FRY: variants seen among roughly 807,000 people sequenced by gnomAD.
The protein encoded by FRY is FRY microtubule binding protein.
In FRY, 128 loss-of-function variants were observed where a neutral mutation model predicts 348.4. The observed-to-expected ratio is 0.37, with a 90% CI of 0.32 to 0.43. The LOEUF is 0.43. Ranked by LOEUF, FRY falls within the 20% of genes least tolerant of loss-of-function variation. The pLI, the probability that FRY is intolerant of heterozygous loss-of-function variation, is 1.00. For missense variants in FRY, 2,736 were observed against 3,695.2 expected (o/e 0.74, Z 6.73); for synonymous variants, 1,370 against 1,374.7 (o/e 1.00, Z 0.08).
At chr13:32,095,780 A>G (rs987936771) in intron 2 of FRY, among the ~76,000 whole-genome samples, 24 of 152,138 alleles carry the variant, frequency 1.6e-4, no homozygotes, top group African/African-American at 5.6e-4. Context: ...TTCTTGTACT[A>G]ATTTCATATT....
chr13:32,289,884 C>T lies in FRY; in HGVS notation c.8580+141C>T. 3 of 691,526 alleles carry T rather than the reference C, an allele frequency of 4.3e-6. No homozygotes were observed. In the South Asian group the frequency reaches 4.5e-5, roughly 10 times the overall value. 42.8% of individuals were successfully genotyped at this position (691,526 alleles called of 1,614,324 possible). A position where few individuals can be genotyped will look rare whatever the true frequency, so the allele number is the denominator to read the frequency against. The stretch of plus-strand genomic sequence containing the variant: ...TGCTCAAACACAATTCTGAAATAAA[C>T]ATGTCTTGTATGTATTTCTATTCTC... On this transcript the variant is annotated intron_variant, in intron 59 of 60. Transcript: ENST00000542859.
At chr13:32,074,273 A>G (rs1874869080) in intron 1 of FRY, among the ~76,000 whole-genome samples, 1 of 152,250 alleles carries the variant, frequency 6.6e-6, no homozygotes, top group South Asian at 2.1e-4. Context: ...AATAAAAATA[A>G]CAAAAGAACA....
chr13:32,240,625 G>A (rs1261950877), intron 46 of FRY, among the ~76,000 whole-genome samples: 4 of 152,192 alleles, frequency 2.6e-5, no homozygotes, highest in Non-Finnish European at 1.5e-5. Context: ...GAGATGAAAT[G>A]TATTCCGTTT....
chr13:32,068,961 G>A (rs1056904680), intron 1 of FRY, among the ~76,000 whole-genome samples: 1 of 135,524 alleles, frequency 7.4e-6, no homozygotes, highest in South Asian at 2.3e-4. Context: ...TGTCGCCCAG[G>A]CTGGAGCGCA....
At chr13:32,274,730 TCAG>T in intron 55 of FRY, 109 bp from the exon 56 acceptor site, 5 of 412,810 alleles carry the variant, frequency 1.2e-5, no homozygotes, top group Non-Finnish European at 2.1e-5. Context: ...AAAAAAAAAA[TCAG>T]TTAATGTAAT....
At chr13:32,050,130 T>G (rs1386966758) in intron 1 of FRY, among the ~76,000 whole-genome samples, 2 of 152,218 alleles carry the variant, frequency 1.3e-5, no homozygotes, top group Non-Finnish European at 2.9e-5. Flanking sequence ...GGAGATTTTC[T>G]TTGGTTTTGT....
At chr13:32,067,340 A>T (rs1874324941) in intron 1 of FRY, among the ~76,000 whole-genome samples, 1 of 150,548 alleles carries the variant, frequency 6.6e-6, no homozygotes, top group African/African-American at 2.5e-5. Flanking sequence ...CACAAGTCAG[A>T]CTTTCAGTTC....
chr13:32,068,391 G>A (rs1874390710), intron 1 of FRY, among the ~76,000 whole-genome samples: 1 of 152,142 alleles, frequency 6.6e-6, no homozygotes, highest in African/African-American at 2.4e-5. Context: ...CAGGTTATTC[G>A]ATCTCCTTTT....
At chr13:32,274,328 T>C (rs1888370914) in intron 55 of FRY, among the ~76,000 whole-genome samples, 1 of 152,176 alleles carries the variant, frequency 6.6e-6, no homozygotes, top group Non-Finnish European at 1.5e-5. Context: ...TGCATGTTAA[T>C]TAGCCCAATT....
intron 55 of FRY, among the ~76,000 whole-genome samples, chr13:32,270,317 C>T (rs537997212): frequency 5.9e-5 from 9 of 151,846 alleles, no homozygotes; most frequent in Non-Finnish European, 1.0e-4. Context: ...AAGCGATTCT[C>T]CTGCCGCAGC....
intron 56 of FRY, among the ~76,000 whole-genome samples, chr13:32,275,892 A>G (rs1888511467): frequency 6.9e-6 from 1 of 145,800 alleles, no homozygotes; most frequent in Non-Finnish European, 1.5e-5. Context: ...TTTTTTTTTT[A>G]GCCCCCATGA....
chr13:32,193,591 C>CT lies in FRY; in HGVS notation c.3592-540dup, dbSNP rs71194514. 6.8e-4 allele frequency among the ~76,000 whole-genome samples: 89 copies of CT among 130,266 alleles called. 1 individual carries two copies. Among genetic ancestry groups the CT allele is most frequent in the South Asian group, 1.9e-3 (8 of 4,188 alleles). 85.5% of individuals were successfully genotyped at this position (130,266 alleles called of 152,430 possible). A position where few individuals can be genotyped will look rare whatever the true frequency, so the allele number is the denominator to read the frequency against. On this transcript the variant is annotated intron_variant, in intron 28 of 60. Transcript: ENST00000542859. ...AAAAATTGCCAATAAAGTCTTCGTCCTTTTTTTTTTTTGAGACCTAGTCTC... is the reference window on the plus strand; with the variant it reads ...AAAAATTGCCAATAAAGTCTTCGTCCTTTTTTTTTTTTTGAGACCTAGTCTC...
chr13:32,149,853 T>C lies in FRY; in HGVS notation c.1479+19T>C, dbSNP rs776528970. The C allele has an allele frequency of 2.8e-6, 4 of 1,452,924 alleles. No individual in the cohort carries two copies. The highest frequency in any genetic ancestry group is 2.3e-5 in the East Asian group (1 of 44,178). The allele number at this position is 1,452,924 out of a possible 1,614,324, so 90.0% of individuals were successfully genotyped here. A position where few individuals can be genotyped will look rare whatever the true frequency, so the allele number is the denominator to read the frequency against. On this transcript the variant is annotated intron_variant, in intron 14 of 60. Coordinates refer to ENST00000542859, the MANE Select transcript of FRY (RefSeq NM_023037.3). ...CCCAGAGGTATGAATGATCCTTTTATGTACTTCTAACAGAGCATGTCTTCC... is the reference window on the plus strand; with the variant it reads ...CCCAGAGGTATGAATGATCCTTTTACGTACTTCTAACAGAGCATGTCTTCC...
rs186302253 is a variant in FRY at position 32,195,549 on chromosome 13, C to T, written c.3746+1252C>T. On this transcript the variant is annotated intron_variant, in intron 29 of 60. Transcript: ENST00000542859. Reference sequence around the variant, plus strand: ...TTTCACCTCTTCGCTGCCCTTCTCCCAGTGAACTTGGCTTGAGCTATCCTA... The same window carrying T: ...TTTCACCTCTTCGCTGCCCTTCTCCTAGTGAACTTGGCTTGAGCTATCCTA... 6.3e-4 allele frequency among the ~76,000 whole-genome samples: 96 copies of T among 152,304 alleles called. 1 individual carries two copies. In the Middle Eastern group the frequency reaches 0.01, roughly 16 times the overall value.
At chr13:32,152,902 A>C (rs979804911) in intron 14 of FRY, among the ~76,000 whole-genome samples, 1 of 152,164 alleles carries the variant, frequency 6.6e-6, no homozygotes, top group Admixed American at 6.5e-5. Context: ...GAATTCCCAC[A>C]TTTCAATAAT....
At chr13:32,048,868 C>T (rs1257053000) in intron 1 of FRY, among the ~76,000 whole-genome samples, 3 of 152,178 alleles carry the variant, frequency 2.0e-5, no homozygotes, top group African/African-American at 7.2e-5. Context: ...CCTGAATAAG[C>T]TTCAGGAAGT....
chr13:32,089,538 A>G (rs1319509823), intron 2 of FRY, among the ~76,000 whole-genome samples: 1 of 151,836 alleles, frequency 6.6e-6, no homozygotes, highest in Non-Finnish European at 1.5e-5. Flanking sequence ...TGAGGTGGGA[A>G]AATTGTTTGA....
intron 41 of FRY, among the ~76,000 whole-genome samples, chr13:32,234,032 C>T (rs1332482130): frequency 6.6e-6 from 1 of 151,406 alleles, no homozygotes; most frequent in Non-Finnish European, 1.5e-5. Flanking sequence ...CTCCTGTAAT[C>T]CCAGCAACTC....
intron 42 of FRY, among the ~76,000 whole-genome samples, chr13:32,235,282 C>T (rs541524413): frequency 1.3e-5 from 2 of 152,218 alleles, no homozygotes; most frequent in Non-Finnish European, 2.9e-5. Flanking sequence ...AGGTTGAGAG[C>T]TGCTGGCATT....
Sources: gnomAD v4.1 joint callset for allele counts (sites outside exome capture counted in the v4.1 genomes callset) on GRCh38, gnomAD v4.1.1 for gene constraint, MANE v1.5 for transcripts, NCBI Gene and HGNC (gene_info 2026-07-23, HGNC 2026-07-21) for gene names.